The following CKAP5 variants were observed in gnomAD, a reference collection of about 807,000 sequenced individuals.
CKAP5 encodes cytoskeleton associated protein 5.
A neutral mutation model predicts 232.8 loss-of-function variants in CKAP5; 27 were observed. The ratio of observed to expected loss-of-function variants is 0.12; its 90% CI spans 0.09 to 0.16. The LOEUF is 0.16. Ranked by LOEUF, CKAP5 falls within the 10% of genes least tolerant of loss-of-function variation. The pLI is 1.00. For missense variants in CKAP5, 1,838 were observed against 2,424.7 expected (o/e 0.76, Z 5.08); for synonymous variants, 785 against 841.1 (o/e 0.93, Z 1.16).
chr11:46,754,817 G>T, intron 36 of CKAP5, 71 bp downstream of exon 36: 1 of 1,326,626 alleles, frequency 7.5e-7, no homozygotes, highest in African/African-American at 1.5e-5. Context: ...CATCTGCATG[G>T]ACTCTGGCTT....
chr11:46,772,151 CTGT>C (rs529068399), intron 24 of CKAP5, among the ~76,000 whole-genome samples: 5 of 150,428 alleles, frequency 3.3e-5, no homozygotes, highest in East Asian at 3.9e-4. Flanking sequence ...TCTGATTTTT[CTGT>C]TGTTGTTGTT....
At chr11:46,787,739 G>T (rs2065408367) in intron 16 of CKAP5, among the ~76,000 whole-genome samples, 1 of 152,044 alleles carries the variant, frequency 6.6e-6, no homozygotes, top group African/African-American at 2.4e-5. Context: ...AATTATATAT[G>T]GATGTATACA....
In CKAP5 at chr11:46,809,751, C is replaced by G; in HGVS notation, c.754G>C (p.Ala252Pro). 1 of 1,613,598 alleles carries G rather than the reference C, an allele frequency of 6.2e-7. No individual in the cohort carries two copies. Among genetic ancestry groups the G allele is most frequent in the African/African-American group, 1.3e-5 (1 of 75,044 alleles). Residue 252 changes from alanine to proline, a missense_variant, in exon 6 of 44, where the codon GCT becomes CCT. Physicochemically the swap from Ala to Pro is conservative, Grantham distance 27. This residue lies in a region of CKAP5 where 285 missense variants were observed against 300.0 expected (regional missense o/e 0.95). Coordinates refer to ENST00000529230, the MANE Select transcript of CKAP5 (RefSeq NM_001008938.4). The stretch of plus-strand genomic sequence containing the variant: ...TTTAAAATTGGCTTACCTCCTTCAG[C>G]ATCTCCACCAGCAGACTGTTGTTGT... ...LEQQQSAGGDAEGGGDDGDEV... is the reference protein window; with the variant it reads ...LEQQQSAGGDPEGGGDDGDEV...
At chr11:46,781,531 C>T (rs1237124078) in intron 18 of CKAP5, among the ~76,000 whole-genome samples, 1 of 152,144 alleles carries the variant, frequency 6.6e-6, no homozygotes, top group African/African-American at 2.4e-5. Flanking sequence ...CACTTCCTAC[C>T]CACTCACTCA....
intron 17 of CKAP5, among the ~76,000 whole-genome samples, chr11:46,783,863 G>A (rs1468116882): frequency 1.3e-5 from 2 of 151,548 alleles, no homozygotes; most frequent in Non-Finnish European, 2.9e-5. Flanking sequence ...GCACCACCAC[G>A]CCTGGCTAAT....
intron 1 of CKAP5, among the ~76,000 whole-genome samples, chr11:46,836,502 CAG>C (rs1366285027): frequency 1.3e-5 from 2 of 152,004 alleles, no homozygotes; most frequent in Non-Finnish European, 1.5e-5. Context: ...TGCTTGAGGC[CAG>C]GAGTTTGAGA....
rs544728900 is a variant in CKAP5, at chr11:46,818,289, A to T, written c.251+21T>A. 9 of 1,552,664 alleles carry T rather than the reference A, an allele frequency of 5.8e-6. No individual in the cohort carries two copies. The South Asian group carries it at 1.1e-4, about 19-fold the overall frequency. The stretch of plus-strand genomic sequence containing the variant: ...ACCAAACAGGGGTTTTTATCAGTAA[A>T]GTTGGAAAGAAAGTACTTACTTTCC... On this transcript the variant is annotated intron_variant, in intron 3 of 43. Transcript: ENST00000529230.
chr11:46,770,677 T>C (rs2065239774), intron 25 of CKAP5, 111 bp downstream of exon 25: 2 of 945,244 alleles, frequency 2.1e-6, no homozygotes, highest in Admixed American at 5.0e-5. Flanking sequence ...AATCCACCTG[T>C]CTCGGCCTCC....
chr11:46,796,161 T>G, intron 12 of CKAP5, among the ~76,000 whole-genome samples: 1 of 42,362 alleles, frequency 2.4e-5, no homozygotes, highest in Non-Finnish European at 6.8e-5. Context: ...TGAGATTCAT[T>G]GCCAAAAAAA....
intron 26 of CKAP5, among the ~76,000 whole-genome samples, 198 bp downstream of exon 26, chr11:46,769,765 C>T (rs1215911842): frequency 2.0e-5 from 3 of 151,842 alleles, no homozygotes; most frequent in Non-Finnish European, 2.9e-5. Context: ...CACGTTTGTA[C>T]CCTTAGTACA....
At chr11:46,845,788 G>A (rs1940174566) in intron 1 of CKAP5, among the ~76,000 whole-genome samples, 1 of 152,234 alleles carries the variant, frequency 6.6e-6, no homozygotes, top group Admixed American at 6.5e-5. Context: ...AGGGCGACAA[G>A]GCCCTTCGCA....
At chr11:46,791,897 G>A (rs1182160069) in intron 13 of CKAP5, among the ~76,000 whole-genome samples, 1 of 152,104 alleles carries the variant, frequency 6.6e-6, no homozygotes, top group African/African-American at 2.4e-5. Context: ...AAAATGAAAG[G>A]GGATCAAATT....
intron 1 of CKAP5, among the ~76,000 whole-genome samples, chr11:46,833,044 G>A (rs1366203512): frequency 1.3e-5 from 2 of 152,098 alleles, no homozygotes; most frequent in Non-Finnish European, 2.9e-5. Flanking sequence ...GAGGCTATTC[G>A]GTGTTAGATG....
chr11:46,750,486 C>T, intron 41 of CKAP5, 42 bp downstream of exon 41: 1 of 1,612,078 alleles, frequency 6.2e-7, no homozygotes, highest in Middle Eastern at 1.7e-4. Flanking sequence ...GTCCCTTTAC[C>T]ATAAAGCAGA....
Position 46,788,742 on chromosome 11 carries a change from G to T in CKAP5, c.1907C>A (p.Pro636Gln), listed in dbSNP as rs926947543. Residue 636 changes from proline to glutamine, a missense_variant, in exon 16 of 44, where the codon CCA (proline) becomes CAA (glutamine). Around this residue, in one of 6 missense-constraint regions of CKAP5, gnomAD observed 767 missense variants for 954.6 expected, o/e 0.80. Coordinates refer to ENST00000529230, the MANE Select transcript of CKAP5 (RefSeq NM_001008938.4). Reference protein sequence around the residue: ...AVELMDRTEMPCQALVRMLAK... With the variant: ...AVELMDRTEMQCQALVRMLAK... ...TAGCATCCTCACTAATGCCTGGCAT[G>T]GCATTTCAGTTCGGTCCATTAGCTC... 6.8e-6 allele frequency: 11 copies of T among 1,608,694 alleles called. No individual in the cohort carries two copies. Among genetic ancestry groups the T allele is most frequent in the Non-Finnish European group, 9.3e-6 (11 of 1,178,324 alleles).
intron 1 of CKAP5, among the ~76,000 whole-genome samples, chr11:46,845,794 T>C (rs1221780716): frequency 3.3e-5 from 5 of 152,212 alleles, no homozygotes; most frequent in Admixed American, 2.6e-4. Flanking sequence ...ACAAGGCCCT[T>C]CGCAACCACC....
intron 1 of CKAP5, among the ~76,000 whole-genome samples, chr11:46,835,906 G>A (rs978193448): frequency 1.3e-5 from 2 of 152,304 alleles, no homozygotes; most frequent in East Asian, 3.9e-4. Context: ...TATCACTAAT[G>A]ATGTCACATG....
chr11:46,826,620 C>T (rs1939657828), intron 1 of CKAP5: 1 of 152,366 alleles, frequency 6.6e-6, no homozygotes, highest in African/African-American at 2.4e-5. Flanking sequence ...GATACCCTGG[C>T]TTTAGCTCAC....
In CKAP5 at chr11:46,760,651, A is replaced by G; in HGVS notation, c.4355T>C (p.Leu1452Ser). ...AQNISSNANM[L>S]RKGPAEDMSS... ...CATGTCCTCAGCTGGTCCCTTGCGT[A>G]ACATGTTGGCATTGGAGCTTATGTT... is the stretch of plus-strand genomic sequence containing the variant. Residue 1452 changes from leucine (L) to serine (S), a missense_variant, in exon 33 of 44, where the codon TTA (leucine) becomes TCA (serine). By Grantham distance (145) the Leu-to-Ser change is moderately radical (BLOSUM62 -2). This residue lies in a region of CKAP5 where 579 missense variants were observed against 843.2 expected (regional missense o/e 0.69). Coordinates refer to ENST00000529230, the MANE Select transcript of CKAP5 (RefSeq NM_001008938.4). The G allele has an allele frequency of 1.9e-6, 3 of 1,614,208 alleles. No homozygotes were observed. The highest frequency in any genetic ancestry group is 2.5e-6 in the Non-Finnish European group (3 of 1,180,026).
Sources: allele counts gnomAD v4.1 joint callset (sites outside exome capture counted in the v4.1 genomes callset), GRCh38; gene constraint gnomAD v4.1.1; regional missense constraint gnomAD v4.1.1; transcripts MANE v1.5; gene names NCBI Gene and HGNC (gene_info 2026-07-23, HGNC 2026-07-21).